Variants in MTMR7 observed in about 807,000 individuals in gnomAD.
The protein encoded by MTMR7 is phosphatidylinositol-3-phosphate phosphatase MTMR7.
Under a neutral mutation model 81.2 loss-of-function variants are expected in MTMR7, and 76 were observed. The ratio of observed to expected loss-of-function variants is 0.94; its 90% CI spans 0.78 to 1.13. The LOEUF is 1.13. MTMR7 is among the 50% of genes most tolerant of loss of function. The probability of loss-of-function intolerance (pLI) is 0.00; values close to 1 mark genes in which losing one functional copy is unlikely to be tolerated. For missense variants in MTMR7, 1,044 were observed against 820.0 expected, an observed-to-expected ratio of 1.27 and a Z score of -3.34; for synonymous variants, 372 against 289.8, an observed-to-expected ratio of 1.28 and a Z score of -2.88.
chr8:17,313,126 C>T (rs920202779), intron 8 of MTMR7, among the ~76,000 whole-genome samples, 166 bp downstream of exon 8: 4 of 152,184 alleles, frequency 2.6e-5, no homozygotes, highest in African/African-American at 9.7e-5. Flanking sequence ...TGTATTCTTT[C>T]GCAAAATCAT....
At chr8:17,352,951 T>G (rs1257262493) in intron 4 of MTMR7, among the ~76,000 whole-genome samples, 1 of 152,174 alleles carries the variant, frequency 6.6e-6, no homozygotes, top group Non-Finnish European at 1.5e-5. Flanking sequence ...TCTGGATGTA[T>G]GCCCAAAGGA....
chr8:17,302,269 C>G lies in MTMR7; in HGVS notation c.1505G>C (p.Gly502Ala), dbSNP rs1309661359. ...PCNFMYKFWS[G>A]MYNRFEKGMQ... ...CCCCTTTTCAAAGCGGTTATACATTCCACTCCAAAACCTGGAAAGGATGGC... is the reference window on the plus strand; with the variant it reads ...CCCCTTTTCAAAGCGGTTATACATTGCACTCCAAAACCTGGAAAGGATGGC... The change falls in exon 13 of 14, where the codon GGA (glycine) becomes GCA (alanine). Residue 502 changes from glycine (G) to alanine (A), a missense_variant. By Grantham distance (60) the Gly-to-Ala change is moderately conservative. Transcript: ENST00000180173. 8 of 1,613,120 alleles carry G rather than the reference C, an allele frequency of 5.0e-6. No homozygotes were observed. Among genetic ancestry groups the G allele is most frequent in the Non-Finnish European group, 5.9e-6 (7 of 1,179,678 alleles).
At chr8:17,330,218 T>C (rs950708738) in intron 7 of MTMR7, among the ~76,000 whole-genome samples, 1 of 152,214 alleles carries the variant, frequency 6.6e-6, no homozygotes, top group Non-Finnish European at 1.5e-5. Context: ...AGAGCAAACG[T>C]GGATTCCTGG....
chr8:17,380,919 C>T (rs1450430958), intron 1 of MTMR7, among the ~76,000 whole-genome samples: 1 of 152,152 alleles, frequency 6.6e-6, no homozygotes, highest in African/African-American at 2.4e-5. Flanking sequence ...TTTAGATAAA[C>T]CCAAAAACAA....
chr8:17,341,454 G>A lies in MTMR7; in HGVS notation c.641C>T (p.Ala214Val), dbSNP rs2150542167. Residue 214 changes from alanine (A) to valine (V), a missense_variant, in exon 6 of 14, where the codon GCC becomes GTC. By Grantham distance (64) the Ala-to-Val change is moderately conservative. Coordinates refer to ENST00000180173, the MANE Select transcript of MTMR7 (RefSeq NM_004686.5). ...CATCTGCTCGTCCTCTAGGCACCGGGCACTGAAGCCGGACAGGGGCTGGCT... is the reference window on the plus strand; with the variant it reads ...CATCTGCTCGTCCTCTAGGCACCGGACACTGAAGCCGGACAGGGGCTGGCT... Reference protein sequence around the residue: ...RSSQPLSGFSARCLEDEQMLQ... With the variant: ...RSSQPLSGFSVRCLEDEQMLQ... The A allele has an allele frequency of 1.9e-6, 3 of 1,614,138 alleles. No individual in the cohort carries two copies. The highest frequency in any genetic ancestry group is 2.5e-6 in the Non-Finnish European group (3 of 1,180,036).
At chr8:17,331,986 G>A (rs1450347757) in intron 6 of MTMR7, among the ~76,000 whole-genome samples, 7 of 152,196 alleles carry the variant, frequency 4.6e-5, no homozygotes, top group African/African-American at 1.7e-4. Context: ...GGTATCTGAA[G>A]AAGTTTATTA....
At chr8:17,371,711 T>C (rs1490180792) in intron 2 of MTMR7, among the ~76,000 whole-genome samples, 2 of 152,280 alleles carry the variant, frequency 1.3e-5, no homozygotes, top group East Asian at 3.9e-4. Context: ...ATTTATTTTA[T>C]CTTTTTATTT....
At chr8:17,387,128 C>T (rs1820970067) in intron 1 of MTMR7, among the ~76,000 whole-genome samples, 1 of 152,224 alleles carries the variant, frequency 6.6e-6, no homozygotes, top group Admixed American at 6.5e-5. Flanking sequence ...TGATAGATAT[C>T]ACTGATCATT....
chr8:17,409,718 G>C (rs1396811814), intron 1 of MTMR7, among the ~76,000 whole-genome samples: 1 of 152,190 alleles, frequency 6.6e-6, no homozygotes, highest in Non-Finnish European at 1.5e-5. Flanking sequence ...AAGGTGTTAT[G>C]ATAAAATACA....
chr8:17,317,288 A>G (rs1292036926), intron 7 of MTMR7, among the ~76,000 whole-genome samples: 1 of 152,154 alleles, frequency 6.6e-6, no homozygotes, highest in African/African-American at 2.4e-5. Context: ...TTAGCTGCCA[A>G]GCTTTGCTAT....
At chr8:17,336,680 G>A (rs1006867899) in intron 6 of MTMR7, among the ~76,000 whole-genome samples, 27 of 152,194 alleles carry the variant, frequency 1.8e-4, no homozygotes, top group Admixed American at 9.2e-4. Context: ...AAGGAGCAAG[G>A]ACAAAAGGCC....
chr8:17,302,991 G>T (rs964682264), intron 12 of MTMR7, among the ~76,000 whole-genome samples: 1 of 151,922 alleles, frequency 6.6e-6, no homozygotes, highest in Non-Finnish European at 1.5e-5. Flanking sequence ...GATTATAGGC[G>T]GGAGCCACCA....
At chr8:17,314,532 C>A (rs965214797) in intron 7 of MTMR7, among the ~76,000 whole-genome samples, 1 of 152,052 alleles carries the variant, frequency 6.6e-6, no homozygotes. Flanking sequence ...GCAGCATTAA[C>A]AAAAATATTA....
In MTMR7 at chr8:17,299,889, A is replaced by G. The variant is rs1176670493; in HGVS notation, c.1956T>C (p.Ser652=). The G allele has an allele frequency of 1.2e-6, 2 of 1,614,088 alleles. No individual in the cohort carries two copies. Among genetic ancestry groups the G allele is most frequent in the Non-Finnish European group, 1.7e-6 (2 of 1,179,974 alleles). ...PSEDSGKDRD[S]DEAVFLTA is the part of the protein sequence containing the mutation. ...AGGCAGTGAGAAACACGGCTTCATC[A>G]GAATCCCGGTCCTTGCCACTATCTT... Residue 652 remains serine (S), a synonymous_variant, in exon 14 of 14, where the codon TCT becomes TCC. Transcript: ENST00000180173.
intron 1 of MTMR7, among the ~76,000 whole-genome samples, chr8:17,393,800 C>T (rs1585118648): frequency 1.3e-5 from 2 of 152,132 alleles, no homozygotes; most frequent in Non-Finnish European, 2.9e-5. Flanking sequence ...CACTCTGACA[C>T]GTTTATTAAT....
chr8:17,362,600 C>G (rs972400506), intron 3 of MTMR7, among the ~76,000 whole-genome samples: 4 of 152,168 alleles, frequency 2.6e-5, no homozygotes, highest in African/African-American at 9.7e-5. Flanking sequence ...TGCAGAAGGC[C>G]TGCTCCTAAT....
At chr8:17,363,255 T>C (rs1397338824) in intron 3 of MTMR7, among the ~76,000 whole-genome samples, 1 of 152,272 alleles carries the variant, frequency 6.6e-6, no homozygotes, top group Admixed American at 6.5e-5. Context: ...CTCAGGCTTC[T>C]GCTACCATAA....
chr8:17,334,039 G>T (rs1284652118), intron 6 of MTMR7, among the ~76,000 whole-genome samples: 1 of 152,162 alleles, frequency 6.6e-6, no homozygotes, highest in African/African-American at 2.4e-5. Flanking sequence ...TGAAATAGCT[G>T]ATTATCCTTG....
chr8:17,376,127 C>G (rs1820580153), intron 1 of MTMR7, among the ~76,000 whole-genome samples: 1 of 152,228 alleles, frequency 6.6e-6, no homozygotes, highest in Non-Finnish European at 1.5e-5. Context: ...CCCTCTGTCT[C>G]TATAGATTTG....
Sources: gnomAD v4.1 joint callset for allele counts (sites outside exome capture counted in the v4.1 genomes callset) on GRCh38, gnomAD v4.1.1 for gene constraint, MANE v1.5 for transcripts, NCBI Gene and HGNC (gene_info 2026-07-23, HGNC 2026-07-21) for gene names.